The following CHRM5 variants were observed in gnomAD, a reference collection of about 807,000 sequenced individuals.
CHRM5 encodes the protein muscarinic acetylcholine receptor M5.
In CHRM5, 18 loss-of-function variants were observed where a neutral mutation model predicts 39.0. That is an observed-to-expected ratio of 0.46 (90% CI 0.32 to 0.68). The LOEUF is 0.68. Ranked by LOEUF, CHRM5 falls within the 30% of genes least tolerant of loss-of-function variation. CHRM5 has a pLI of 0.04. For missense variants in CHRM5, 515 were observed against 651.1 expected, an observed-to-expected ratio of 0.79 and a Z score of 2.28; for synonymous variants, 241 against 246.3, an observed-to-expected ratio of 0.98 and a Z score of 0.20.
At chr15:34,024,975 G>T (rs140509176) in intron 1 of CHRM5, among the ~76,000 whole-genome samples, 1 of 151,884 alleles carries the variant, frequency 6.6e-6, no homozygotes, top group Non-Finnish European at 1.5e-5. Flanking sequence ...CTGAGGTCAG[G>T]ATTTTGAGAC....
chr15:34,031,378 T>C (rs1334959392), intron 1 of CHRM5, among the ~76,000 whole-genome samples: 3 of 152,050 alleles, frequency 2.0e-5, no homozygotes, highest in Non-Finnish European at 4.4e-5. Flanking sequence ...TTTCATCATG[T>C]TGGTCAGGCT....
At chr15:33,996,993 C>T (rs1896962600) in intron 1 of CHRM5, among the ~76,000 whole-genome samples, 1 of 152,168 alleles carries the variant, frequency 6.6e-6, no homozygotes, top group African/African-American at 2.4e-5. Context: ...CTAGAATAAA[C>T]AGCGTAGAGA....
chr15:34,030,112 G>C (rs764916875), intron 1 of CHRM5, among the ~76,000 whole-genome samples: 20 of 152,006 alleles, frequency 1.3e-4, no homozygotes, highest in Non-Finnish European at 2.2e-4. Flanking sequence ...AAATTAGCCA[G>C]GCATGGTGGC....
At chr15:34,049,888 C>CT (rs61235689) in intron 2 of CHRM5, among the ~76,000 whole-genome samples, 84,881 of 137,134 alleles carry the variant, frequency 0.62, 26,894 homozygotes, top group South Asian at 0.74. Context: ...TCAACATCAA[C>CT]TTTTTTTTTT....
At chr15:34,042,452 G>A (rs1438927840) in intron 1 of CHRM5, among the ~76,000 whole-genome samples, 1 of 147,120 alleles carries the variant, frequency 6.8e-6, no homozygotes, top group Non-Finnish European at 1.5e-5. Context: ...CCAGGCTGGA[G>A]TACAATGGCG....
chr15:33,978,020 G>A (rs1044630203), intron 1 of CHRM5, among the ~76,000 whole-genome samples: 2 of 150,856 alleles, frequency 1.3e-5, no homozygotes, highest in African/African-American at 2.4e-5. Context: ...GAGGGAGGGA[G>A]GGAGGGATGG....
chr15:33,986,951 C>T (rs1283024429), intron 1 of CHRM5, among the ~76,000 whole-genome samples: 3 of 152,214 alleles, frequency 2.0e-5, no homozygotes, highest in Non-Finnish European at 4.4e-5. Flanking sequence ...GCCACCGCGC[C>T]CAGCCCAGGT....
chr15:34,019,532 C>G (rs939885283), intron 1 of CHRM5, among the ~76,000 whole-genome samples: 1 of 152,190 alleles, frequency 6.6e-6, no homozygotes, highest in African/African-American at 2.4e-5. Flanking sequence ...TATTCACTCA[C>G]CACTCACTCA....
intron 1 of CHRM5, among the ~76,000 whole-genome samples, chr15:33,978,899 T>C (rs1001211408): frequency 2.7e-5 from 4 of 150,812 alleles, no homozygotes; most frequent in African/African-American, 9.7e-5. Flanking sequence ...ATGTGAAAAA[T>C]GGACAGAGGA....
intron 2 of CHRM5, among the ~76,000 whole-genome samples, chr15:34,060,722 C>A (rs528527244): frequency 6.6e-6 from 1 of 152,268 alleles, no homozygotes; most frequent in Non-Finnish European, 1.5e-5. Flanking sequence ...CTAAAAAGTA[C>A]AAAAATTAGC....
At chr15:34,016,445 A>G (rs1897916017) in intron 1 of CHRM5, among the ~76,000 whole-genome samples, 1 of 152,126 alleles carries the variant, frequency 6.6e-6, no homozygotes, top group Non-Finnish European at 1.5e-5. Context: ...GCTTCCTGGT[A>G]CTTGATTCTC....
chr15:33,998,265 G>T (rs189784475), intron 1 of CHRM5, among the ~76,000 whole-genome samples: 3 of 152,170 alleles, frequency 2.0e-5, no homozygotes, highest in Admixed American at 6.5e-5. Context: ...CTCCCCTTAT[G>T]ATTTTTGTCC....
At chr15:34,053,319 A>T (rs2576305) in intron 2 of CHRM5, among the ~76,000 whole-genome samples, 3,590 of 40,944 alleles carry the variant, frequency 0.088, 174 homozygotes, top group African/African-American at 0.092. Context: ...AAAAAAAAAA[A>T]ATATATATAT....
At chr15:33,996,380 AG>A (rs1261750127) in intron 1 of CHRM5, among the ~76,000 whole-genome samples, 1 of 152,178 alleles carries the variant, frequency 6.6e-6, no homozygotes, top group Non-Finnish European at 1.5e-5. Flanking sequence ...TGCCTCCTCA[AG>A]TGGGTCCCTG....
intron 1 of CHRM5, among the ~76,000 whole-genome samples, chr15:33,992,501 A>G (rs1896772502): frequency 1.3e-5 from 2 of 152,250 alleles, no homozygotes; most frequent in African/African-American, 2.4e-5. Flanking sequence ...TGGTTATCCA[A>G]TTGAAAATTT....
At chr15:34,035,550 T>C (rs1291280067) in intron 1 of CHRM5, among the ~76,000 whole-genome samples, 1 of 152,150 alleles carries the variant, frequency 6.6e-6, no homozygotes, top group African/African-American at 2.4e-5. Context: ...GGTTGAGTGA[T>C]ATTAAAAAGT....
chr15:34,030,802 T>C (rs1322777367), intron 1 of CHRM5, among the ~76,000 whole-genome samples: 1 of 151,702 alleles, frequency 6.6e-6, no homozygotes, highest in East Asian at 1.9e-4. Context: ...TTGTTGTTGT[T>C]GACAGGGATC....
intron 1 of CHRM5, among the ~76,000 whole-genome samples, chr15:33,982,114 G>A (rs557548822): frequency 1.3e-3 from 194 of 151,574 alleles, no homozygotes; most frequent in Non-Finnish European, 1.8e-3. Flanking sequence ...TGATCCACCC[G>A]CCTCAGCCTC....
chr15:33,992,282 C>T (rs532958188), intron 1 of CHRM5, among the ~76,000 whole-genome samples: 10 of 152,104 alleles, frequency 6.6e-5, no homozygotes, highest in African/African-American at 2.2e-4. Flanking sequence ...CCCAGCTACT[C>T]GGGAGGCTGA....
Sources: gnomAD v4.1 joint callset for allele counts (sites outside exome capture counted in the v4.1 genomes callset) on GRCh38, gnomAD v4.1.1 for gene constraint, MANE v1.5 for transcripts, NCBI Gene and HGNC (gene_info 2026-07-23, HGNC 2026-07-21) for gene names.